The following UNC13D variants were observed in gnomAD, a reference collection of about 807,000 sequenced individuals.
UNC13D encodes protein unc-13 homolog D.
In UNC13D, 115 loss-of-function variants were observed where a neutral mutation model predicts 151.7. The ratio of observed to expected loss-of-function variants is 0.76; its 90% CI spans 0.65 to 0.88. UNC13D has a LOEUF of 0.88. UNC13D is among the 40% of genes least tolerant of loss of function. UNC13D has a pLI of 0.00. For synonymous variants in UNC13D, 588 were observed against 612.2 expected (o/e 0.96, Z 0.58); for missense variants, 1,369 against 1,438.7 (o/e 0.95, Z 0.78).
chr17:75,834,041 G>A, intron 24 of UNC13D, 34 bp downstream of exon 24: 1 of 1,611,730 alleles, frequency 6.2e-7, no homozygotes, highest in Non-Finnish European at 8.5e-7. Context: ...AGCTGGCAGG[G>A]TGGTGAAGGC....
At chr17:75,843,424 G>T in intron 2 of UNC13D, 60 bp downstream of exon 2, 1 of 1,580,472 alleles carries the variant, frequency 6.3e-7, no homozygotes, top group Non-Finnish European at 8.6e-7. Flanking sequence ...AGCGTCGGCC[G>T]GCAGGAGGAC....
At chr17:75,834,897 A>G (rs965661031) in intron 21 of UNC13D, 23 bp downstream of exon 21, 2 of 1,613,772 alleles carry the variant, frequency 1.2e-6, no homozygotes, top group Non-Finnish European at 1.7e-6. Context: ...AAGAGGGGGA[A>G]GGACACGTGG....
chr17:75,835,922 C>G lies in UNC13D; in HGVS notation c.1545-16G>C, dbSNP rs748625749. ...CTTGAGGGTACTGGAGGAAAGGCAG[C>G]AGGTGTCACCCAGTGGCATACACCA... On this transcript the variant is annotated splice_polypyrimidine_tract_variant and intron_variant, in intron 17 of 31. Coordinates refer to ENST00000207549, the MANE Select transcript of UNC13D (RefSeq NM_199242.3). The G allele has an allele frequency of 2.5e-6, 4 of 1,614,076 alleles. No homozygotes were observed. The East Asian group carries it at 8.9e-5, about 36-fold the overall frequency.
chr17:75,833,237 C>T lies in UNC13D; in HGVS notation c.2368-192G>A. 1.8e-6 allele frequency: 1 copy of T among 560,044 alleles called. No individual in the cohort carries two copies. The highest frequency in any genetic ancestry group is 1.9e-5 in the South Asian group (1 of 52,812). The allele number at this position is 560,044 out of a possible 1,614,324, so 34.7% of individuals were successfully genotyped here. A position where few individuals can be genotyped will look rare whatever the true frequency, so the allele number is the denominator to read the frequency against. Reference sequence around the variant, plus strand: ...CGTTGCTCAGCCTGTCCCAGCCACACTGGCCTCCTCTACAGCCCTGGAACC... The same window carrying T: ...CGTTGCTCAGCCTGTCCCAGCCACATTGGCCTCCTCTACAGCCCTGGAACC... On this transcript the variant is annotated intron_variant, in intron 24 of 31. Transcript: ENST00000207549. This position sits in a 1 kb window ranked among gnomAD's most constrained non-coding sequence, Gnocchi z 4.0.
chr17:75,827,750 C>T lies in UNC13D; in HGVS notation c.*215G>A. On this transcript the variant is annotated 3_prime_UTR_variant, in exon 32 of 32. Transcript: ENST00000207549. ...TGTGGTAGAGACATTGCAGCCAGGG[C>T]TGGAGGCAGGGAGGCGGGAGTAGAG... The T allele has an allele frequency of 6.7e-7, 1 of 1,488,988 alleles. No individual in the cohort carries two copies. Among genetic ancestry groups the T allele is most frequent in the Non-Finnish European group, 8.9e-7 (1 of 1,118,446 alleles). 92.2% of individuals were successfully genotyped at this position (1,488,988 alleles called of 1,614,324 possible).
In UNC13D at chr17:75,844,270, C is replaced by G; in HGVS notation, c.68G>C (p.Arg23Pro). The G allele has an allele frequency of 6.2e-6, 10 of 1,612,728 alleles. No homozygotes were observed. Residue 23 changes from arginine (R) to proline (P), a missense_variant, in exon 1 of 32, where the codon CGC becomes CCC. Around this residue, in one of 3 missense-constraint regions of UNC13D, gnomAD observed 550 missense variants for 609.0 expected, o/e 0.90. Transcript: ENST00000207549. Reference sequence around the variant, plus strand: ...ATCCTGTAGATCTCTGACTCTGCGGCGCCTTATCTTGATGGCCTGGCGCAA... The same window carrying G: ...ATCCTGTAGATCTCTGACTCTGCGGGGCCTTATCTTGATGGCCTGGCGCAA... ...PFLRQAIKIRRRRVRDLQDPP... is the reference protein window; with the variant it reads ...PFLRQAIKIRPRRVRDLQDPP...
chr17:75,831,632 A>C, intron 25 of UNC13D: 1 of 497,608 alleles, frequency 2.0e-6, no homozygotes, highest in Non-Finnish European at 3.6e-6. Flanking sequence ...GGCTGGAGAC[A>C]GGGAGGAGGC....
chr17:75,843,107 G>A (rs1384138940), intron 3 of UNC13D, 34 bp from the exon 4 acceptor site: 4 of 1,606,328 alleles, frequency 2.5e-6, no homozygotes, highest in African/African-American at 1.3e-5. Flanking sequence ...GTGGCTGGGG[G>A]CACCAGACAG....
Position 75,833,154 on chromosome 17 carries a change from G to A in UNC13D, c.2368-109C>T. ...AACAGGGCTGGGAACCGTTCTGTGA[G>A]AGCAGTTTGTAGTGTCTGTAAGAGG... On this transcript the variant is annotated intron_variant, in intron 24 of 31. Coordinates refer to ENST00000207549, the MANE Select transcript of UNC13D (RefSeq NM_199242.3). The surrounding 1 kb of genome is among the most constrained non-coding windows in gnomAD (Gnocchi z 4.0). The A allele has an allele frequency of 8.8e-7, 1 of 1,139,726 alleles. No individual in the cohort carries two copies. Among genetic ancestry groups the A allele is most frequent in the Non-Finnish European group, 1.3e-6 (1 of 782,708 alleles). The allele number at this position is 1,139,726 out of a possible 1,614,324, so 70.6% of individuals were successfully genotyped here. A position where few individuals can be genotyped will look rare whatever the true frequency, so the allele number is the denominator to read the frequency against.
chr17:75,839,699 A>T (rs2143890853), intron 12 of UNC13D, 140 bp downstream of exon 12: 2 of 919,768 alleles, frequency 2.2e-6, no homozygotes, highest in South Asian at 2.8e-5. Context: ...AAAATTGGCA[A>T]CTGATTCAAA....
chr17:75,843,940 C>T, intron 1 of UNC13D: 1 of 1,389,378 alleles, frequency 7.2e-7, no homozygotes, highest in Non-Finnish European at 9.3e-7. Context: ...GGAGTCGGCT[C>T]TTCTGAAGCT....
intron 30 of UNC13D, 99 bp downstream of exon 30, chr17:75,829,929 C>T (rs537006659): frequency 6.5e-7 from 1 of 1,539,930 alleles, no homozygotes; most frequent in Non-Finnish European, 8.8e-7. Flanking sequence ...GTGGCCATCT[C>T]AGGGGAGCCC....
In UNC13D at chr17:75,828,966, G is replaced by A. The variant is rs145549734; in HGVS notation, c.2972C>T (p.Pro991Leu). 1.8e-5 allele frequency: 29 copies of A among 1,603,894 alleles called. No individual in the cohort carries two copies. The highest frequency in any genetic ancestry group is 6.7e-5 in the East Asian group (3 of 44,866). ...ETFEFLVPAE[P>L]CRKAGACLLL... is the part of the protein sequence containing the mutation. ...GAGGCATGCCCCAGCCTTGCGGCAC[G>A]GCTCAGCAGGCACCAGGCTGCGGGG... The change falls in exon 31 of 32, where the codon CCG becomes CTG. Residue 991 changes from proline (P) to leucine (L), a missense_variant. By Grantham distance (98) the Pro-to-Leu change is moderately conservative (BLOSUM62 -3). This residue lies in a region of UNC13D where 807 missense variants were observed against 795.5 expected (regional missense o/e 1.01). Coordinates refer to ENST00000207549, the MANE Select transcript of UNC13D (RefSeq NM_199242.3).
chr17:75,831,097 C>T lies in UNC13D; in HGVS notation c.2625+1G>A. 6.2e-7 allele frequency: 1 copy of T among 1,613,904 alleles called. No homozygotes were observed. Among genetic ancestry groups the T allele is most frequent in the Non-Finnish European group, 8.5e-7 (1 of 1,180,028 alleles). Reference sequence around the variant, plus strand: ...CGGGGAAGCTCACCCAAAGCCCCTACCTGGAAGGTGGCAGTGTGCAGGGCC... The same window carrying T: ...CGGGGAAGCTCACCCAAAGCCCCTATCTGGAAGGTGGCAGTGTGCAGGGCC... On this transcript the variant is annotated splice_donor_variant, in intron 27 of 31. Coordinates refer to ENST00000207549, the MANE Select transcript of UNC13D (RefSeq NM_199242.3). LOFTEE classifies it high-confidence loss of function.
Position 75,827,788 on chromosome 17 carries a change from A to G in UNC13D, c.*177T>C. ...GGCGGGAGTAGAGATGTCGCTGCTGAGCCCCCATCACCATGGGAGGCAGGG... is the reference window on the plus strand; with the variant it reads ...GGCGGGAGTAGAGATGTCGCTGCTGGGCCCCCATCACCATGGGAGGCAGGG... On this transcript the variant is annotated 3_prime_UTR_variant, in exon 32 of 32. Transcript: ENST00000207549. The G allele has an allele frequency of 1.4e-6, 2 of 1,480,052 alleles. No homozygotes were observed. The highest frequency in any genetic ancestry group is 1.8e-6 in the Non-Finnish European group (2 of 1,114,524). 91.7% of individuals were successfully genotyped at this position (1,480,052 alleles called of 1,614,324 possible).
At position 75,834,949 on chromosome 17, in the gene UNC13D, C is replaced by T; in HGVS notation, c.1963G>A (p.Ala655Thr). The T allele has an allele frequency of 6.2e-7, 1 of 1,614,082 alleles. No individual in the cohort carries two copies. The highest frequency in any genetic ancestry group is 8.5e-7 in the Non-Finnish European group (1 of 1,180,026). ...RQLDWPDPEE[A>T]FMITVKFVED... ...ACAAACTTGACGGTAATCATGAAGGCCTCCTCTGGGTCTGGCCAGTCCAGC... is the reference window on the plus strand; with the variant it reads ...ACAAACTTGACGGTAATCATGAAGGTCTCCTCTGGGTCTGGCCAGTCCAGC... Residue 655 changes from alanine (A) to threonine (T), a missense_variant, in exon 21 of 32, where the codon GCC becomes ACC. Physicochemically the swap from Ala to Thr is moderately conservative, Grantham distance 58. Transcript: ENST00000207549.
chr17:75,840,265 C>T lies in UNC13D; in HGVS notation c.818G>A (p.Arg273Gln), dbSNP rs764351769. 4 of 1,613,898 alleles carry T rather than the reference C, an allele frequency of 2.5e-6. No homozygotes were observed. Among genetic ancestry groups the T allele is most frequent in the Non-Finnish European group, 2.5e-6 (3 of 1,180,042 alleles). ...TTGGAACTGGAGGTGGCACTGGCCT[C>T]GGTCTGGGTAGGTCTCAGTGCGGGG... ...LEPRTETYPD[R>Q]GQCHLQFQLI... Residue 273 changes from arginine to glutamine, a missense_variant, in exon 10 of 32, where the codon CGA becomes CAA. Arg to Gln is a conservative substitution (Grantham distance 43). Transcript: ENST00000207549. This position sits in a 1 kb window ranked among gnomAD's most constrained non-coding sequence, Gnocchi z 4.6.
At chr17:75,842,132 C>T (rs1222807978) in intron 6 of UNC13D, among the ~76,000 whole-genome samples, 1 of 152,222 alleles carries the variant, frequency 6.6e-6, no homozygotes, top group East Asian at 1.9e-4. Context: ...GCTGGGATTA[C>T]AGGTGGGAAC....
intron 1 of UNC13D, chr17:75,843,979 C>G: frequency 7.1e-7 from 1 of 1,410,962 alleles, no homozygotes; most frequent in Non-Finnish European, 9.2e-7. Flanking sequence ...GTCAGGCCAA[C>G]CGGGAGGGAG....
Sources: gnomAD v4.1 joint callset for allele counts (sites outside exome capture counted in the v4.1 genomes callset) on GRCh38, gnomAD v4.1.1 for gene constraint, gnomAD v4.1.1 regional missense constraint, Gnocchi (gnomAD v3.1) non-coding constraint, MANE v1.5 for transcripts, NCBI Gene and HGNC (gene_info 2026-07-23, HGNC 2026-07-21) for gene names.